The following DNAJC24 variants were observed in gnomAD, a reference collection of about 807,000 sequenced individuals.
DNAJC24 encodes the protein DnaJ heat shock protein family (Hsp40) member C24.
Under a neutral mutation model 18.0 loss-of-function variants are expected in DNAJC24, and 17 were observed. The ratio of observed to expected loss-of-function variants is 0.94; its 90% confidence interval spans 0.65 to 1.42. The LOEUF (loss-of-function observed/expected upper bound fraction) is 1.42, where lower values mean the gene tolerates loss of function less well. Among genes scored for constraint, DNAJC24 ranks in the 40% most tolerant of loss-of-function variants. The pLI, the probability that DNAJC24 is intolerant of heterozygous loss-of-function variation, is 0.00. For missense variants in DNAJC24, 158 were observed against 175.6 expected (o/e 0.90, Z 0.57); for synonymous variants, 55 against 57.7 (o/e 0.95, Z 0.21).
chr11:31,407,696 A>ATAT (rs1387996382), intron 2 of DNAJC24, among the ~76,000 whole-genome samples: 3 of 119,010 alleles, frequency 2.5e-5, no homozygotes, highest in African/African-American at 9.8e-5. Context: ...AAAAAAAAAA[A>ATAT]AAAAAAAAAA....
chr11:31,374,847 T>C (rs1952297202), intron 2 of DNAJC24, among the ~76,000 whole-genome samples: 1 of 135,526 alleles, frequency 7.4e-6, no homozygotes, highest in Non-Finnish European at 1.7e-5. Context: ...GAATTTGTTA[T>C]CATTTATTGA....
chr11:31,392,353 G>A (rs757788500), intron 2 of DNAJC24, among the ~76,000 whole-genome samples: 10 of 151,992 alleles, frequency 6.6e-5, no homozygotes, highest in Non-Finnish European at 8.8e-5. Flanking sequence ...TCACAATACC[G>A]TATGTAATCC....
chr11:31,377,458 C>T lies in DNAJC24; in HGVS notation c.111+6599C>T, dbSNP rs1233102294. On this transcript the variant is annotated intron_variant, in intron 2 of 4. Transcript: ENST00000465995. ...ATTATAGACATACATATTGGCCTGC[C>T]GTGTAATAGTTTACTATATAAAAAA... is the stretch of plus-strand genomic sequence containing the variant. Among the ~76,000 whole-genome samples, 3 of 151,890 alleles carry T rather than the reference C, an allele frequency of 2.0e-5. 1 individual carries two copies. The highest frequency in any genetic ancestry group is 4.1e-4 in the South Asian group (2 of 4,822).
At chr11:31,407,366 G>A (rs772781845) in intron 2 of DNAJC24, 1 of 152,098 alleles carries the variant, frequency 6.6e-6, no homozygotes, top group African/African-American at 2.4e-5. Flanking sequence ...CGTGTTTACT[G>A]TAAAGAAATA....
At chr11:31,423,964 T>C (rs1459606585) in intron 3 of DNAJC24, among the ~76,000 whole-genome samples, 2 of 152,144 alleles carry the variant, frequency 1.3e-5, no homozygotes, top group Non-Finnish European at 2.9e-5. Context: ...GAAGAAAAGA[T>C]AGTAATAAAA....
chr11:31,395,657 A>G (rs989078012), intron 2 of DNAJC24, among the ~76,000 whole-genome samples: 1 of 152,216 alleles, frequency 6.6e-6, no homozygotes, highest in Non-Finnish European at 1.5e-5. Context: ...TGTGAAGTAT[A>G]TGGACATATT....
chr11:31,399,728 A>G (rs1024974493), intron 2 of DNAJC24, among the ~76,000 whole-genome samples: 38 of 123,760 alleles, frequency 3.1e-4, no homozygotes, highest in African/African-American at 1.1e-3. Flanking sequence ...TTTTTTTTTT[A>G]ACTGTTTTTT....
At chr11:31,426,638 A>T in intron 4 of DNAJC24, 1 of 272,726 alleles carries the variant, frequency 3.7e-6, no homozygotes, top group East Asian at 7.1e-5. Flanking sequence ...TTTTTACTTT[A>T]GTTTTTGCAT....
At chr11:31,416,647 T>A (rs569729922) in intron 3 of DNAJC24, 2 of 152,198 alleles carry the variant, frequency 1.3e-5, no homozygotes, top group African/African-American at 4.8e-5. Flanking sequence ...AAGAACATAT[T>A]AGTGAAGTTG....
intron 2 of DNAJC24, among the ~76,000 whole-genome samples, chr11:31,398,023 G>A (rs1045428569): frequency 6.6e-6 from 1 of 151,934 alleles, no homozygotes; most frequent in African/African-American, 2.4e-5. Flanking sequence ...GGCTGGTCTC[G>A]AACTCTTGAC....
intron 2 of DNAJC24, among the ~76,000 whole-genome samples, chr11:31,406,133 T>C (rs1952656240): frequency 6.6e-6 from 1 of 152,222 alleles, no homozygotes; most frequent in African/African-American, 2.4e-5. Context: ...TTTGAATGCA[T>C]TCCTCTTAGT....
intron 4 of DNAJC24, 87 bp from the exon 5 acceptor site, chr11:31,430,184 C>T: frequency 8.5e-7 from 1 of 1,183,200 alleles, no homozygotes; most frequent in Non-Finnish European, 1.1e-6. Context: ...TTTACAATTC[C>T]TATGGAATAA....
intron 2 of DNAJC24, among the ~76,000 whole-genome samples, chr11:31,401,977 C>G (rs1236467195): frequency 6.6e-6 from 1 of 152,158 alleles, no homozygotes; most frequent in Non-Finnish European, 1.5e-5. Context: ...TCTAGGAAAG[C>G]ATATTGGTTT....
At chr11:31,379,007 A>T (rs1188245403) in intron 2 of DNAJC24, among the ~76,000 whole-genome samples, 1 of 152,210 alleles carries the variant, frequency 6.6e-6, no homozygotes, top group Non-Finnish European at 1.5e-5. Flanking sequence ...AACTGCATGG[A>T]TCTGAGTTTC....
Position 31,370,765 on chromosome 11 carries a change from A to G in DNAJC24, c.17A>G (p.Gln6Arg), listed in dbSNP as rs754093386. 2 of 1,609,870 alleles carry G rather than the reference A, an allele frequency of 1.2e-6. No homozygotes were observed. Among genetic ancestry groups the G allele is most frequent in the South Asian group, 1.1e-5 (1 of 89,734 alleles). The part of the protein sequence containing the change: MMAVE[Q>R]MPKKDWYSIL... ...GTTCCATGGATGATGGCGGTTGAGC[A>G]GATGCCAAAAAAGGATTGGTACAGC... Residue 6 changes from glutamine (Q) to arginine (R), a missense_variant, in exon 2 of 5, where the codon CAG becomes CGG. Gln to Arg is a conservative substitution (Grantham distance 43). Transcript: ENST00000465995.
chr11:31,370,012 A>G (rs2133456952), intron 1 of DNAJC24, 100 bp downstream of exon 1: 1 of 152,524 alleles, frequency 6.6e-6, no homozygotes, highest in Admixed American at 6.5e-5. Context: ...CCCGAGCTTG[A>G]GGAGGCCCCG....
chr11:31,393,092 T>C (rs1952513597), intron 2 of DNAJC24, among the ~76,000 whole-genome samples: 1 of 152,224 alleles, frequency 6.6e-6, no homozygotes, highest in Non-Finnish European at 1.5e-5. Context: ...TATGTTGTAG[T>C]AGTCCAAATG....
intron 2 of DNAJC24, among the ~76,000 whole-genome samples, chr11:31,376,535 T>C (rs1448949240): frequency 6.6e-6 from 1 of 152,210 alleles, no homozygotes; most frequent in Non-Finnish European, 1.5e-5. Context: ...CATCTGGTTT[T>C]ATCTTCTGTA....
chr11:31,395,015 A>G lies in DNAJC24; in HGVS notation c.112-19796A>G, dbSNP rs118072978. Among the ~76,000 whole-genome samples, 484 of 152,214 alleles carry G rather than the reference A, an allele frequency of 3.2e-3. 1 individual carries two copies. The highest frequency in any genetic ancestry group is 5.7e-3 in the Non-Finnish European group (387 of 67,990). Reference sequence around the variant, plus strand: ...AGTACCCCCAATTGGTAATTTGTTGATCCTCACCCTCTTCCCACCCTCCAC... The same window carrying G: ...AGTACCCCCAATTGGTAATTTGTTGGTCCTCACCCTCTTCCCACCCTCCAC... On this transcript the variant is annotated intron_variant, in intron 2 of 4. Transcript: ENST00000465995.
Sources: gnomAD v4.1 joint callset for allele counts (sites outside exome capture counted in the v4.1 genomes callset) on GRCh38, gnomAD v4.1.1 for gene constraint, MANE v1.5 for transcripts, NCBI Gene and HGNC (gene_info 2026-07-23, HGNC 2026-07-21) for gene names.